WDFY4: variants seen among roughly 807,000 people sequenced by gnomAD.
WDFY4 encodes WD repeat- and FYVE domain-containing protein 4.
In WDFY4, 169 loss-of-function variants were observed where a neutral mutation model predicts 351.9. The observed-to-expected ratio is 0.48, with a 90% CI of 0.42 to 0.55. The LOEUF is 0.55. Among genes scored for constraint, WDFY4 ranks in the 20% least tolerant of loss-of-function variants. The pLI is 0.00. For synonymous variants in WDFY4, 1,622 were observed against 1,574.6 expected (o/e 1.03, Z -0.71); for missense variants, 3,803 against 3,935.6 (o/e 0.97, Z 0.90).
Position 48,970,193 on chromosome 10 carries a change from C to T in WDFY4, c.8832C>T (p.Ser2944=). The part of the protein sequence containing the change: ...WGRCLCAVCP[S]PTTIVTSGTS... ...GCTGTCTGTGCGCCGTGTGCCCATC[C>T]CCAACAACGATTGTCACCTCTGGGA... The change falls in exon 57 of 62, where the codon TCC becomes TCT. Residue 2944 remains serine, a synonymous_variant. Coordinates refer to ENST00000325239, the MANE Select transcript of WDFY4 (RefSeq NM_001394531.1). 2 of 1,551,726 alleles carry T rather than the reference C, an allele frequency of 1.3e-6. No homozygotes were observed. The highest frequency in any genetic ancestry group is 1.7e-6 in the Non-Finnish European group (2 of 1,147,008).
chr10:48,977,579 A>T (rs1842629959), intron 59 of WDFY4, among the ~76,000 whole-genome samples: 2 of 152,190 alleles, frequency 1.3e-5, no homozygotes, highest in Non-Finnish European at 2.9e-5. Flanking sequence ...GCATCCTGGG[A>T]TGGCCTGGGC....
chr10:48,940,316 C>T (rs966541291), intron 47 of WDFY4, among the ~76,000 whole-genome samples: 1 of 152,228 alleles, frequency 6.6e-6, no homozygotes, highest in Non-Finnish European at 1.5e-5. Flanking sequence ...TTGGGTGTTG[C>T]TTGCTTGGAT....
chr10:48,982,906 G>A lies in WDFY4; in HGVS notation c.*331G>A. On this transcript the variant is annotated 3_prime_UTR_variant, in exon 62 of 62. Transcript: ENST00000325239. The stretch of plus-strand genomic sequence containing the variant: ...AAAAAAAAAGATGGGTCGCTTACTG[G>A]AAATTATTGTATTGTCTTTATTTTA... The A allele has an allele frequency of 2.6e-6, 1 of 381,356 alleles. No homozygotes were observed. The highest frequency in any genetic ancestry group is 5.2e-6 in the Non-Finnish European group (1 of 193,806). 23.6% of individuals were successfully genotyped at this position (381,356 alleles called of 1,614,324 possible).
intron 15 of WDFY4, among the ~76,000 whole-genome samples, chr10:48,776,061 G>A (rs1186644657): frequency 3.9e-5 from 6 of 152,220 alleles, no homozygotes; most frequent in Admixed American, 3.9e-4. Flanking sequence ...GATCATGGAA[G>A]CAGAGACAGA....
At chr10:48,820,836 C>T (rs1172205088) in intron 33 of WDFY4, among the ~76,000 whole-genome samples, 1 of 152,166 alleles carries the variant, frequency 6.6e-6, no homozygotes, top group Non-Finnish European at 1.5e-5. Context: ...TGGCCGTGGG[C>T]TGTGGGCTCC....
At chr10:48,981,571 C>A in intron 61 of WDFY4, 93 bp downstream of exon 61, 3 of 1,175,606 alleles carry the variant, frequency 2.6e-6, no homozygotes, top group South Asian at 2.8e-5. Context: ...GGCCACCTGG[C>A]CGAGGAGGCC....
chr10:48,916,822 T>C (rs1056579984), intron 47 of WDFY4, among the ~76,000 whole-genome samples: 1 of 63,180 alleles, frequency 1.6e-5, no homozygotes, highest in African/African-American at 4.8e-5. Context: ...AATAACCTAC[T>C]ACAGACCCCT....
intron 2 of WDFY4, among the ~76,000 whole-genome samples, chr10:48,711,388 G>A (rs1399673275): frequency 6.6e-6 from 1 of 152,184 alleles, no homozygotes; most frequent in Non-Finnish European, 1.5e-5. Context: ...CAGATTCTGG[G>A]AGGTGCGACA....
intron 57 of WDFY4, 104 bp downstream of exon 57, chr10:48,970,393 A>C: frequency 1.4e-6 from 2 of 1,431,382 alleles, no homozygotes; most frequent in Non-Finnish European, 1.9e-6. Flanking sequence ...TGGTGCCGGA[A>C]CACACCCTAA....
In WDFY4 at chr10:48,787,905, T is replaced by TC. The variant is rs1565198639; in HGVS notation, c.3809-624dup. Among the ~76,000 whole-genome samples the TC allele has an allele frequency of 2.1e-3, 65 of 31,494 alleles. 5 individuals are homozygous for TC. The highest frequency in any genetic ancestry group is 0.012 in the African/African-American group (62 of 5,360). 20.7% of individuals were successfully genotyped at this position (31,494 alleles called of 152,430 possible). ...TTCTTCTTCTTCTCCTTCTTCTTCT[T>TC]CTTCTTCTTCTTCTTCTTCTTCTTC... On this transcript the variant is annotated intron_variant, in intron 20 of 61. Coordinates refer to ENST00000325239, the MANE Select transcript of WDFY4 (RefSeq NM_001394531.1).
chr10:48,703,430 T>C (rs1389784016), intron 1 of WDFY4, among the ~76,000 whole-genome samples: 1 of 152,224 alleles, frequency 6.6e-6, no homozygotes, highest in Non-Finnish European at 1.5e-5. Context: ...TTTCTGCACC[T>C]GGAGTTTATA....
chr10:48,968,109 C>T (rs1276672614), intron 55 of WDFY4: 2 of 152,300 alleles, frequency 1.3e-5, no homozygotes, highest in African/African-American at 4.8e-5. Flanking sequence ...ATCTTACCAG[C>T]CACGGGTCCT....
intron 23 of WDFY4, among the ~76,000 whole-genome samples, chr10:48,791,575 G>A (rs755464677): frequency 2.0e-5 from 3 of 152,206 alleles, no homozygotes; most frequent in Non-Finnish European, 4.4e-5. Flanking sequence ...GACCTGCTTC[G>A]CATGTGTTTA....
intron 17 of WDFY4, among the ~76,000 whole-genome samples, 180 bp from the exon 18 acceptor site, chr10:48,778,431 C>A (rs535781195): frequency 6.6e-6 from 1 of 152,250 alleles, no homozygotes; most frequent in Admixed American, 6.5e-5. Context: ...TCAGGGAGAT[C>A]GAGATCTTCT....
At chr10:48,892,505 C>T (rs1836863157) in intron 44 of WDFY4, among the ~76,000 whole-genome samples, 1 of 152,188 alleles carries the variant, frequency 6.6e-6, no homozygotes. Context: ...CTCAAAGAAG[C>T]ATTTGTTAAT....
chr10:48,945,993 ACAAGCGGGTCTGGGGAGTTAACT>A, intron 49 of WDFY4, 24 bp from the exon 50 acceptor site: 1 of 1,320,260 alleles, frequency 7.6e-7, no homozygotes, highest in South Asian at 1.4e-5. Context: ...CTCCTAGGGC[ACAAGCGGGTCTGGGGAGTTAACT>A]CCAGCTGCAC....
chr10:48,802,882 G>T, intron 24 of WDFY4: 1 of 481,426 alleles, frequency 2.1e-6, no homozygotes, highest in South Asian at 1.5e-5. Flanking sequence ...CTGTCACTCA[G>T]CTGGTCTGTC....
chr10:48,694,311 T>C (rs1452219226), intron 1 of WDFY4, among the ~76,000 whole-genome samples: 2 of 152,140 alleles, frequency 1.3e-5, no homozygotes, highest in Admixed American at 6.5e-5. Context: ...TCCCTCCTAG[T>C]TGGACAAAGC....
intron 28 of WDFY4, among the ~76,000 whole-genome samples, chr10:48,808,267 T>A (rs960719483): frequency 6.6e-6 from 1 of 152,220 alleles, no homozygotes; most frequent in African/African-American, 2.4e-5. Context: ...AATTACTGAT[T>A]TTGATGTCTT....
Sources: gnomAD v4.1 joint callset for allele counts (sites outside exome capture counted in the v4.1 genomes callset) on GRCh38, gnomAD v4.1.1 for gene constraint, MANE v1.5 for transcripts, NCBI Gene and HGNC (gene_info 2026-07-23, HGNC 2026-07-21) for gene names.